Variants in CTBP2 observed in about 807,000 individuals in gnomAD.
CTBP2 encodes C-terminal-binding protein 2.
CTBP2 carries 30 observed loss-of-function variants against 80.3 expected under a neutral mutation model. The ratio of observed to expected loss-of-function variants is 0.37; its 90% CI spans 0.28 to 0.51. CTBP2 has a LOEUF of 0.51. Ranked by LOEUF, CTBP2 falls within the 20% of genes least tolerant of loss-of-function variation. CTBP2 has a pLI of 0.93. For missense variants in CTBP2, 1,212 were observed against 1,375.3 expected (o/e 0.88, Z 1.88); for synonymous variants, 594 against 587.4 (o/e 1.01, Z -0.16).
intron 2 of CTBP2, among the ~76,000 whole-genome samples, chr10:125,104,162 A>C (rs1446490108): frequency 6.6e-6 from 1 of 152,198 alleles, no homozygotes; most frequent in Non-Finnish European, 1.5e-5. Flanking sequence ...CGTGGAGCTG[A>C]CTGGATGCTC....
In CTBP2 at chr10:125,027,702, C is replaced by G; in HGVS notation, c.58G>C (p.Gly20Arg). The change falls in exon 1 of 9, where the codon GGG becomes CGG. Residue 20 changes from glycine to arginine, a missense_variant. Coordinates refer to ENST00000309035, the MANE Select transcript of CTBP2 (RefSeq NM_022802.3). ...TTCTCCCAGGGGCCCTCGTACCACC[C>G]AGCAGCATCCCAGCTCTGAGAACGA... The G allele has an allele frequency of 6.2e-7, 1 of 1,613,464 alleles. No homozygotes were observed.
chr10:125,102,551 G>C (rs538225407), intron 2 of CTBP2, among the ~76,000 whole-genome samples: 1 of 152,326 alleles, frequency 6.6e-6, no homozygotes, highest in East Asian at 1.9e-4. Flanking sequence ...AATCAATGTT[G>C]AGTCCTCCTT....
At chr10:125,144,881 G>C (rs1164680262) in intron 1 of CTBP2, among the ~76,000 whole-genome samples, 1 of 152,218 alleles carries the variant, frequency 6.6e-6, no homozygotes, top group Non-Finnish European at 1.5e-5. Context: ...ACACTGCCCA[G>C]CCTCATCTCA....
chr10:125,049,079 A>ACACACACACC (rs1962046724), intron 2 of CTBP2, among the ~76,000 whole-genome samples: 1 of 127,186 alleles, frequency 7.9e-6, no homozygotes, highest in Non-Finnish European at 1.7e-5. Flanking sequence ...ACACACACAC[A>ACACACACACC]CACACACACA....
rs560865113 is a variant in CTBP2, at chr10:125,124,952, G to A, written c.-205-13859C>T. 1.2e-4 allele frequency among the ~76,000 whole-genome samples: 18 copies of A among 152,160 alleles called. No individual in the cohort carries two copies. In the East Asian group the frequency reaches 3.1e-3, roughly 26 times the overall value. ...CTGGCATTTATCTCGATGAAGTATC[G>A]CCCTCTGCCCCCTCCCTCCTGATAG... On this transcript the variant is annotated intron_variant, in intron 1 of 10. Transcript: ENST00000337195.
chr10:125,065,875 G>A lies in CTBP2; in HGVS notation c.-101-26720C>T, dbSNP rs1253641000. Among the ~76,000 whole-genome samples, 7 of 152,124 alleles carry A rather than the reference G, an allele frequency of 4.6e-5. No individual in the cohort carries two copies. In the East Asian group the frequency reaches 5.8e-4, roughly 13 times the overall value. ...AACACTTTGGGAGGCTGAGGTGGGC[G>A]GATAGCTTGAGCCTAGGATAGCTTG... On this transcript the variant is annotated intron_variant, in intron 2 of 10. Transcript: ENST00000337195.
intron 1 of CTBP2, chr10:125,138,381 G>C (rs929580442): frequency 6.6e-6 from 1 of 152,146 alleles, no homozygotes; most frequent in Non-Finnish European, 1.5e-5. Context: ...CACTTGAAAG[G>C]CAACTGTTTG....
rs1952101838 is a variant in CTBP2 at position 124,987,906 on chromosome 10, T to G, written c.*1612A>C. On this transcript the variant is annotated 3_prime_UTR_variant, in exon 9 of 9. Transcript: ENST00000309035. ...AAAGAAGATCCATTAAATCAAGCTCTTAACTCATGGGACTATTTGCAACAC... is the reference window on the plus strand; with the variant it reads ...AAAGAAGATCCATTAAATCAAGCTCGTAACTCATGGGACTATTTGCAACAC... 6.6e-6 allele frequency: 1 copy of G among 152,436 alleles called. No homozygotes were observed. The highest frequency in any genetic ancestry group is 1.5e-5 in the Non-Finnish European group (1 of 68,048). 9.4% of individuals were successfully genotyped at this position (152,436 alleles called of 1,614,324 possible).
chr10:125,142,788 C>T (rs1858056502), intron 1 of CTBP2, among the ~76,000 whole-genome samples: 2 of 152,134 alleles, frequency 1.3e-5, no homozygotes, highest in African/African-American at 4.8e-5. Flanking sequence ...TTGAAATCAG[C>T]AACACCCAGA....
chr10:125,065,896 G>A (rs1191902727), intron 2 of CTBP2, among the ~76,000 whole-genome samples: 1 of 152,088 alleles, frequency 6.6e-6, no homozygotes, highest in Non-Finnish European at 1.5e-5. Context: ...GCCTAGGATA[G>A]CTTGAGACCA....
intron 2 of CTBP2, among the ~76,000 whole-genome samples, chr10:125,100,409 C>G (rs549424399): frequency 1.2e-4 from 18 of 152,312 alleles, no homozygotes; most frequent in African/African-American, 4.1e-4. Context: ...TTCCACTGTT[C>G]CGCTCATTTC....
intron 2 of CTBP2, among the ~76,000 whole-genome samples, chr10:125,051,435 T>G (rs1985011): frequency 0.12 from 17,804 of 151,724 alleles, 3,248 homozygotes; most frequent in African/African-American, 0.39. Context: ...AGGTCAGGAG[T>G]TTGAGACAAG....
chr10:125,087,080 T>C lies in CTBP2; in HGVS notation c.-102+23910A>G, dbSNP rs868851986. Among the ~76,000 whole-genome samples, 1,022 of 150,426 alleles carry C rather than the reference T, an allele frequency of 6.8e-3. 8 individuals are homozygous for C. The highest frequency in any genetic ancestry group is 0.021 in the African/African-American group (871 of 40,752). On this transcript the variant is annotated intron_variant, in intron 2 of 10. Coordinates refer to the CTBP2 transcript ENST00000337195. ...AAAATTTGGGCAATTTCTTTCTTTT[T>C]TTTTTTTTTTTTGAGACAGAGTCTC...
upstream of CTBP2, among the ~76,000 whole-genome samples, chr10:125,030,855 GGTCCTGCACC>G (rs1958101859): frequency 6.6e-6 from 1 of 152,204 alleles, no homozygotes; most frequent in African/African-American, 2.4e-5. Flanking sequence ...TCCCCAGGGG[GGTCCTGCACC>G]TGCCTGGGCT....
chr10:125,085,371 G>C (rs945627450), intron 2 of CTBP2, among the ~76,000 whole-genome samples: 5 of 152,152 alleles, frequency 3.3e-5, no homozygotes, highest in Non-Finnish European at 7.4e-5. Flanking sequence ...GCAGGATCCC[G>C]TCTCCTTCCT....
At chr10:125,139,956 C>A (rs551820146) in intron 1 of CTBP2, among the ~76,000 whole-genome samples, 2 of 152,106 alleles carry the variant, frequency 1.3e-5, no homozygotes, top group Non-Finnish European at 2.9e-5. Context: ...CACACACATT[C>A]GCAACTTCCA....
chr10:124,997,719 C>T (rs143431770), intron 4 of CTBP2: 1,407 of 561,984 alleles, frequency 2.5e-3, no homozygotes, highest in Middle Eastern at 4.2e-3. Context: ...GAATGCTGTC[C>T]TGCCAGACAC....
At chr10:125,008,083 A>C (rs534377235) in intron 1 of CTBP2, among the ~76,000 whole-genome samples, 4 of 152,190 alleles carry the variant, frequency 2.6e-5, no homozygotes, top group African/African-American at 9.6e-5. Context: ...AATAGCTGAG[A>C]CTACAGGCAT....
At chr10:124,989,821 G>T (rs1952346530) in intron 8 of CTBP2, 123 bp from the exon 11 acceptor site, 1 of 931,658 alleles carries the variant, frequency 1.1e-6, no homozygotes, top group Non-Finnish European at 1.5e-6. Context: ...GGCTCACCTT[G>T]ACCGACCTTC....
Sources: allele counts gnomAD v4.1 joint callset (sites outside exome capture counted in the v4.1 genomes callset), GRCh38; gene constraint gnomAD v4.1.1; transcripts MANE v1.5; gene names NCBI Gene and HGNC (gene_info 2026-07-23, HGNC 2026-07-21).